XXYLT1: variants seen among roughly 807,000 people sequenced by gnomAD.
XXYLT1 encodes the protein xyloside xylosyltransferase 1, also known as UDP-xylose:alpha-xyloside alpha-1,3-xylosyltransferase.
XXYLT1 carries 20 observed loss-of-function variants against 28.9 expected under a neutral mutation model. The observed-to-expected ratio is 0.69, with a 90% CI of 0.49 to 1.00. The LOEUF (loss-of-function observed/expected upper bound fraction) is 1.00. Ranked by LOEUF, XXYLT1 falls within the 50% of genes least tolerant of loss-of-function variation. The pLI is 0.00. For synonymous variants in XXYLT1, 257 were observed against 253.8 expected (o/e 1.01, Z -0.12); for missense variants, 542 against 560.1 (o/e 0.97, Z 0.33).
chr3:195,202,998 G>A (rs1410545912), intron 2 of XXYLT1, among the ~76,000 whole-genome samples: 1 of 151,992 alleles, frequency 6.6e-6, no homozygotes, highest in Non-Finnish European at 1.5e-5. Flanking sequence ...TTGTATAGAT[G>A]GGCTCTCACT....
chr3:195,226,905 G>A (rs1724080620), intron 1 of XXYLT1, 49 bp from the exon 2 acceptor site: 34 of 1,594,312 alleles, frequency 2.1e-5, no homozygotes, highest in Non-Finnish European at 2.9e-5. Flanking sequence ...AGTTCTCACT[G>A]CAAGCTCAAC....
intron 1 of XXYLT1, among the ~76,000 whole-genome samples, chr3:195,228,025 G>A (rs748895279): frequency 3.9e-5 from 6 of 152,106 alleles, no homozygotes; most frequent in Non-Finnish European, 8.8e-5. Flanking sequence ...ATCCTTCTAC[G>A]ACACACAGGA....
chr3:195,088,321 C>T (rs911744770), intron 3 of XXYLT1, among the ~76,000 whole-genome samples: 19 of 149,660 alleles, frequency 1.3e-4, no homozygotes, highest in Admixed American at 2.7e-4. Flanking sequence ...GTTCTCCCAG[C>T]ACGCAGCTGG....
At chr3:195,148,651 G>C (rs1482690791) in intron 3 of XXYLT1, among the ~76,000 whole-genome samples, 2 of 152,150 alleles carry the variant, frequency 1.3e-5, no homozygotes, top group African/African-American at 4.8e-5. Flanking sequence ...CCTTCCAGAC[G>C]TGACGGTCAC....
At chr3:195,096,511 T>TAC (rs367808342) in intron 3 of XXYLT1, among the ~76,000 whole-genome samples, 38 of 151,782 alleles carry the variant, frequency 2.5e-4, no homozygotes, top group South Asian at 4.2e-4. Context: ...ACACACACGA[T>TAC]ACACACACAC....
At chr3:195,144,216 C>T (rs1209832352) in intron 3 of XXYLT1, among the ~76,000 whole-genome samples, 2 of 148,190 alleles carry the variant, frequency 1.3e-5, no homozygotes, top group Non-Finnish European at 3.0e-5. Flanking sequence ...CACTCCATCT[C>T]GAGTGTGATA....
At chr3:195,090,356 A>G (rs1223246274) in intron 3 of XXYLT1, among the ~76,000 whole-genome samples, 1 of 151,520 alleles carries the variant, frequency 6.6e-6, no homozygotes, top group Non-Finnish European at 1.5e-5. Context: ...TCAAACTAGA[A>G]CTCAGGATTA....
At chr3:195,079,859 G>A (rs1342009995) in intron 3 of XXYLT1, among the ~76,000 whole-genome samples, 1 of 152,138 alleles carries the variant, frequency 6.6e-6, no homozygotes, top group African/African-American at 2.4e-5. Context: ...ATGAATAACA[G>A]GCAAATAAAG....
In XXYLT1 at chr3:195,242,915, C is replaced by G. The variant is rs566127186; in HGVS notation, c.505-16059G>C. Among the ~76,000 whole-genome samples the G allele has an allele frequency of 5.9e-5, 9 of 152,260 alleles. No individual in the cohort carries two copies. The South Asian group carries it at 1.5e-3, about 25-fold the overall frequency. On this transcript the variant is annotated intron_variant, in intron 1 of 3. Coordinates refer to ENST00000310380, the MANE Select transcript of XXYLT1 (RefSeq NM_152531.5). ...GCATATCAAAGCTTGCTGGCCCAGC[C>G]CTTCAAGACGCCTTTTCTGTTAGAA...
chr3:195,255,659 AAGGC>A lies in XXYLT1; in HGVS notation c.504+14892_504+14895del, dbSNP rs1725451366. The stretch of plus-strand genomic sequence containing the variant: ...TAGAACTGGCTTCCGAACACAAGGG[AAGGC>A]AGGCAGGGAGACCATGAGTGCAGGG... On this transcript the variant is annotated intron_variant, in intron 1 of 3. Transcript: ENST00000310380. The surrounding 1 kb of genome is among the most constrained non-coding windows in gnomAD (Gnocchi z 4.5). Among the ~76,000 whole-genome samples, 1 of 152,108 alleles carries A rather than the reference AAGGC, an allele frequency of 6.6e-6. No individual in the cohort carries two copies. The highest frequency in any genetic ancestry group is 1.5e-5 in the Non-Finnish European group (1 of 68,016).
intron 3 of XXYLT1, among the ~76,000 whole-genome samples, chr3:195,149,682 A>T (rs1216881927): frequency 6.6e-6 from 1 of 152,108 alleles, no homozygotes; most frequent in African/African-American, 2.4e-5. Flanking sequence ...CTGGTTTCCA[A>T]TATTCTCTGG....
At chr3:195,234,549 C>T (rs1045414517) in intron 1 of XXYLT1, among the ~76,000 whole-genome samples, 2 of 151,402 alleles carry the variant, frequency 1.3e-5, no homozygotes, top group Non-Finnish European at 2.9e-5. Context: ...GAACTCCTGA[C>T]CTCAAGTGAT....
At chr3:195,170,837 G>T (rs1721369177) in intron 2 of XXYLT1, among the ~76,000 whole-genome samples, 1 of 152,012 alleles carries the variant, frequency 6.6e-6, no homozygotes, top group Non-Finnish European at 1.5e-5. Context: ...GAGCACAGGA[G>T]TTCGAGTCCA....
At chr3:195,248,912 T>A (rs758562225) in intron 1 of XXYLT1, among the ~76,000 whole-genome samples, 3 of 152,122 alleles carry the variant, frequency 2.0e-5, no homozygotes, top group Non-Finnish European at 4.4e-5. Context: ...AGAGTGAGAC[T>A]CTGTCTCAAA....
chr3:195,224,514 C>T (rs1723965458), intron 2 of XXYLT1, among the ~76,000 whole-genome samples: 1 of 152,236 alleles, frequency 6.6e-6, no homozygotes, highest in South Asian at 2.1e-4. Context: ...GGTCCCTGCA[C>T]AATTCATTGC....
Position 195,139,405 on chromosome 3 carries a change from G to A in XXYLT1, c.785+17044C>T, listed in dbSNP as rs995599913. Reference sequence around the variant, plus strand: ...GCCCCCAGAGTCAGAATAGGCAGCAGGAAGGACATAAGGCCTGCTGCTTAC... The same window carrying A: ...GCCCCCAGAGTCAGAATAGGCAGCAAGAAGGACATAAGGCCTGCTGCTTAC... On this transcript the variant is annotated intron_variant, in intron 3 of 3. Transcript: ENST00000310380. Among the ~76,000 whole-genome samples, 9 of 152,340 alleles carry A rather than the reference G, an allele frequency of 5.9e-5. No homozygotes were observed. In the East Asian group the frequency reaches 1.7e-3, roughly 29 times the overall value.
Position 195,124,515 on chromosome 3 carries a change from C to T in XXYLT1, c.785+31934G>A, listed in dbSNP as rs766250839. ...TTGTCTAGTGTTTCTAGGCCTCCCC[C>T]TCTAGACTGTGAATTCCGTGGGGGC... On this transcript the variant is annotated intron_variant, in intron 3 of 3. Transcript: ENST00000310380. The surrounding 1 kb of genome is among the most constrained non-coding windows in gnomAD (Gnocchi z 4.1). Among the ~76,000 whole-genome samples, 8 of 152,308 alleles carry T rather than the reference C, an allele frequency of 5.3e-5. No homozygotes were observed. Among genetic ancestry groups the T allele is most frequent in the Non-Finnish European group, 1.0e-4 (7 of 68,036 alleles).
chr3:195,239,624 C>T (rs747320421), intron 1 of XXYLT1, among the ~76,000 whole-genome samples: 5 of 152,202 alleles, frequency 3.3e-5, no homozygotes, highest in Non-Finnish European at 7.3e-5. Flanking sequence ...TTTACATACA[C>T]ATACTTAAAA....
At chr3:195,220,870 T>C (rs992642200) in intron 2 of XXYLT1, among the ~76,000 whole-genome samples, 6 of 152,162 alleles carry the variant, frequency 3.9e-5, no homozygotes, top group Admixed American at 2.0e-4. Flanking sequence ...TCTTTAAGCA[T>C]GGATGACATA....
Sources: gnomAD v4.1 joint callset for allele counts (sites outside exome capture counted in the v4.1 genomes callset) on GRCh38, gnomAD v4.1.1 for gene constraint, Gnocchi (gnomAD v3.1) non-coding constraint, MANE v1.5 for transcripts, NCBI Gene and HGNC (gene_info 2026-07-23, HGNC 2026-07-21) for gene names.